The following LRRIQ4 variants were observed in gnomAD, a reference collection of about 807,000 sequenced individuals.
The protein encoded by LRRIQ4 is leucine-rich repeat and IQ domain-containing protein 4.
In LRRIQ4, 21 loss-of-function variants were observed where a neutral mutation model predicts 40.1. That is an observed-to-expected ratio of 0.52 (90% CI 0.37 to 0.75). The LOEUF is 0.75. Among genes scored for constraint, LRRIQ4 ranks in the 30% least tolerant of loss-of-function variants. The pLI is 0.00. For missense variants in LRRIQ4, 655 were observed against 660.0 expected (o/e 0.99, Z 0.08); for synonymous variants, 277 against 277.1 (o/e 1.00, Z 0.00).
chr3:169,823,708 C>G (rs1779972029), intron 2 of LRRIQ4, among the ~76,000 whole-genome samples: 1 of 152,196 alleles, frequency 6.6e-6, no homozygotes, highest in Admixed American at 6.5e-5. Context: ...GCAGATGTTT[C>G]TAATACACAA....
rs1780341534 is a variant in LRRIQ4, at chr3:169,837,702, G to C, written c.*71G>C. The C allele has an allele frequency of 8.7e-7, 1 of 1,145,502 alleles. No homozygotes were observed. The highest frequency in any genetic ancestry group is 1.2e-6 in the Non-Finnish European group (1 of 824,442). 71.0% of individuals were successfully genotyped at this position (1,145,502 alleles called of 1,614,324 possible). A position where few individuals can be genotyped will look rare whatever the true frequency, so the allele number is the denominator to read the frequency against. On this transcript the variant is annotated 3_prime_UTR_variant, in exon 6 of 6. Coordinates refer to ENST00000340806, the MANE Select transcript of LRRIQ4 (RefSeq NM_001080460.3). The stretch of plus-strand genomic sequence containing the variant: ...AAGACAAAATATCTAGGAATTAGAT[G>C]CCTACTACATTAAAATTATTCATAA...
Position 169,830,567 on chromosome 3 carries a change from G to A in LRRIQ4, c.1270G>A (p.Glu424Lys), listed in dbSNP as rs140693524. The A allele has an allele frequency of 6.2e-7, 1 of 1,613,744 alleles. No individual in the cohort carries two copies. The highest frequency in any genetic ancestry group is 8.5e-7 in the Non-Finnish European group (1 of 1,179,826). The change falls in exon 4 of 6, where the codon GAA becomes AAA. Residue 424 changes from glutamate (E) to lysine (K), a missense_variant. Glu to Lys is a moderately conservative substitution (Grantham distance 56). Transcript: ENST00000340806. ...ATCCTTGGGGTCAATGCCTAACCTA[G>A]AAGTTCTTGATTGCCGGCACAATTT... is the stretch of plus-strand genomic sequence containing the variant. ...PVSLGSMPNL[E>K]VLDCRHNLLK... is the part of the protein sequence containing the mutation.
chr3:169,820,398 C>G (rs1334325311), intron 1 of LRRIQ4, among the ~76,000 whole-genome samples: 1 of 151,730 alleles, frequency 6.6e-6, no homozygotes, highest in Non-Finnish European at 1.5e-5. Context: ...TAAAGATTAT[C>G]TTTAGCTCCT....
At chr3:169,823,964 G>T (rs1231949964) in intron 2 of LRRIQ4, among the ~76,000 whole-genome samples, 1 of 152,124 alleles carries the variant, frequency 6.6e-6, no homozygotes, top group Non-Finnish European at 1.5e-5. Context: ...AATATGGATA[G>T]ATCTCAGTAT....
At position 169,817,716 on chromosome 3, in the gene LRRIQ4, G is replaced by A. The variant is rs1195526964; in HGVS notation, c.-31-4175G>A. 2.0e-5 allele frequency among the ~76,000 whole-genome samples: 3 copies of A among 151,758 alleles called. 1 individual carries two copies. Among genetic ancestry groups the A allele is most frequent in the African/African-American group, 4.8e-5 (2 of 41,276 alleles). ...TGTCTTTTTTTATAGCTTTTGTCTC[G>A]AAATCTATTTTGTCTGATATATGTA... On this transcript the variant is annotated intron_variant, in intron 1 of 5. Coordinates refer to ENST00000340806, the MANE Select transcript of LRRIQ4 (RefSeq NM_001080460.3).
intron 1 of LRRIQ4, among the ~76,000 whole-genome samples, chr3:169,818,247 G>T (rs1401818532): frequency 6.6e-6 from 1 of 152,232 alleles, no homozygotes; most frequent in African/African-American, 2.4e-5. Context: ...GGGGTTGGAG[G>T]AGGGATGGTT....
chr3:169,821,159 G>GTTGTTT (rs1319135622), intron 1 of LRRIQ4, among the ~76,000 whole-genome samples: 2 of 152,144 alleles, frequency 1.3e-5, no homozygotes. Context: ...TGTTTTTGTT[G>GTTGTTT]TTGTTTTTGT....
intron 2 of LRRIQ4, among the ~76,000 whole-genome samples, chr3:169,826,159 A>G (rs1780036061): frequency 6.6e-6 from 1 of 152,194 alleles, no homozygotes; most frequent in African/African-American, 2.4e-5. Context: ...TGGGAGGATG[A>G]GGCGAGTGGA....
intron 1 of LRRIQ4, among the ~76,000 whole-genome samples, chr3:169,819,317 A>C (rs1305534414): frequency 6.6e-6 from 1 of 152,182 alleles, no homozygotes; most frequent in African/African-American, 2.4e-5. Flanking sequence ...AGGGCCGTCA[A>C]ATTGATGGGG....
At chr3:169,837,249 GC>G (rs1780324170) in intron 5 of LRRIQ4, among the ~76,000 whole-genome samples, 1 of 152,144 alleles carries the variant, frequency 6.6e-6, no homozygotes, top group Admixed American at 6.5e-5. Context: ...CTCTGCTGTT[GC>G]CCAAAAGTCT....
chr3:169,822,562 AG>A lies in LRRIQ4; in HGVS notation c.642del (p.Lys215SerfsTer45), dbSNP rs1170275371. 1.9e-5 allele frequency: 31 copies of A among 1,613,978 alleles called. No individual in the cohort carries two copies. The highest frequency in any genetic ancestry group is 2.5e-5 in the Non-Finnish European group (29 of 1,179,876). ...GAGATCGGACACCTGACGGGGCTGCAGAAGTTCTATATGGCTTCTAACAACC... is the reference window on the plus strand; with the variant it reads ...GAGATCGGACACCTGACGGGGCTGCAAAGTTCTATATGGCTTCTAACAACC... ...PEEIGHLTGL[Q>X]KFYMASNNLP... On this transcript the variant is annotated frameshift_variant, in exon 2 of 6. Coordinates refer to ENST00000340806, the MANE Select transcript of LRRIQ4 (RefSeq NM_001080460.3). LOFTEE classifies it high-confidence loss of function.
intron 2 of LRRIQ4, among the ~76,000 whole-genome samples, chr3:169,828,432 C>T (rs1259557811): frequency 6.6e-6 from 1 of 152,184 alleles, no homozygotes. Flanking sequence ...CAAGGTTTCG[C>T]CATGTTGGCC....
chr3:169,821,595 A>G (rs919858632), intron 1 of LRRIQ4, among the ~76,000 whole-genome samples: 2 of 151,864 alleles, frequency 1.3e-5, no homozygotes, highest in Non-Finnish European at 2.9e-5. Flanking sequence ...AGCCGAGATC[A>G]CACCATTGCA....
Position 169,833,156 on chromosome 3 carries a change from C to T in LRRIQ4, c.1503C>T (p.Asn501=), listed in dbSNP as rs760857321. The change falls in exon 5 of 6, where the codon AAC becomes AAT. Residue 501 remains asparagine (N), a synonymous_variant. Transcript: ENST00000340806. ...CCATATGGAAATACCTCAAGGAAAA[C>T]AGAAACAGGAATATAATGGCAACAA... is the stretch of plus-strand genomic sequence containing the variant. ...NEAIWKYLKE[N]RNRNIMATKI... 8.1e-6 allele frequency: 13 copies of T among 1,612,974 alleles called. No individual in the cohort carries two copies. The South Asian group carries it at 1.4e-4, about 18-fold the overall frequency.
intron 2 of LRRIQ4, 32 bp from the exon 3 acceptor site, chr3:169,828,726 GA>G: frequency 6.3e-7 from 1 of 1,588,104 alleles, no homozygotes; most frequent in Non-Finnish European, 8.6e-7. Flanking sequence ...AAATAATCTT[GA>G]CCTGAAACTT....
In LRRIQ4 at chr3:169,822,878, G is replaced by A. The variant is rs2108267927; in HGVS notation, c.957G>A (p.Pro319=). The change falls in exon 2 of 6, where the codon CCG becomes CCA. Residue 319 remains proline, a synonymous_variant. Coordinates refer to ENST00000340806, the MANE Select transcript of LRRIQ4 (RefSeq NM_001080460.3). ...DLSQNHLHHC[P]LQICALKNLE... ...GCCAGAACCATCTGCACCACTGCCC[G>A]CTGCAGATCTGTGCACTGAAGAACC... is the stretch of plus-strand genomic sequence containing the variant. 1 of 1,601,756 alleles carries A rather than the reference G, an allele frequency of 6.2e-7. No homozygotes were observed. The highest frequency in any genetic ancestry group is 8.5e-7 in the Non-Finnish European group (1 of 1,174,642).
intron 1 of LRRIQ4, 79 bp from the exon 2 acceptor site, chr3:169,821,812 T>G: frequency 1.4e-6 from 1 of 725,032 alleles, no homozygotes. Flanking sequence ...AACTAGGTTT[T>G]AATTTTATTT....
rs1780222459 is a variant in LRRIQ4 at position 169,833,106 on chromosome 3, G to C, written c.1453G>C (p.Glu485Gln). The change falls in exon 5 of 6, where the codon GAA becomes CAA. Residue 485 changes from glutamate (E) to glutamine (Q), a missense_variant. Transcript: ENST00000340806. ...MDNPMEEPPKEVCAEGNEAIW... is the reference protein window; with the variant it reads ...MDNPMEEPPKQVCAEGNEAIW... ...CAATCCCATGGAAGAACCCCCAAAA[G>C]AAGTGTGTGCTGAAGGCAATGAGGC... is the stretch of plus-strand genomic sequence containing the variant. The C allele has an allele frequency of 1.2e-6, 2 of 1,613,972 alleles. No homozygotes were observed. Among genetic ancestry groups the C allele is most frequent in the Non-Finnish European group, 1.7e-6 (2 of 1,179,888 alleles).
At chr3:169,830,677 C>CT (rs1780147928) in intron 4 of LRRIQ4, 47 bp downstream of exon 4, 1 of 1,610,156 alleles carries the variant, frequency 6.2e-7, no homozygotes, top group Admixed American at 1.7e-5. Flanking sequence ...TTGTGGCCAG[C>CT]ATTTCCTATG....
Sources: gnomAD v4.1 joint callset for allele counts (sites outside exome capture counted in the v4.1 genomes callset) on GRCh38, gnomAD v4.1.1 for gene constraint, MANE v1.5 for transcripts, NCBI Gene and HGNC (gene_info 2026-07-23, HGNC 2026-07-21) for gene names.